UBXN7: variants seen among roughly 807,000 people sequenced by gnomAD.
The protein encoded by UBXN7 is UBX domain protein 7.
UBXN7 carries 9 observed loss-of-function variants against 58.0 expected under a neutral mutation model. The ratio of observed to expected loss-of-function variants is 0.16; its 90% CI spans 0.09 to 0.27. The LOEUF (loss-of-function observed/expected upper bound fraction) is 0.27, where lower values mean the gene tolerates loss of function less well. Ranked by LOEUF, UBXN7 falls within the 10% of genes least tolerant of loss-of-function variation. The probability of loss-of-function intolerance (pLI) is 1.00; values close to 1 mark genes in which losing one functional copy is unlikely to be tolerated. For missense variants in UBXN7, 328 were observed against 599.6 expected, an observed-to-expected ratio of 0.55 and a Z score of 4.73; for synonymous variants, 208 against 205.0, an observed-to-expected ratio of 1.01 and a Z score of -0.12.
intron 1 of UBXN7, among the ~76,000 whole-genome samples, chr3:196,412,099 G>A (rs936517101): frequency 6.6e-6 from 1 of 151,448 alleles, no homozygotes; most frequent in Non-Finnish European, 1.5e-5. Context: ...CGTGGTGGCA[G>A]GTGCCTAATA....
chr3:196,384,891 A>G (rs977002377), intron 5 of UBXN7, among the ~76,000 whole-genome samples: 2 of 152,204 alleles, frequency 1.3e-5, no homozygotes, highest in Non-Finnish European at 2.9e-5. Context: ...AAACCGGCAC[A>G]AGACAAGGAT....
chr3:196,379,463 G>A (rs184781553), intron 5 of UBXN7, among the ~76,000 whole-genome samples: 1 of 152,282 alleles, frequency 6.6e-6, no homozygotes, highest in East Asian at 1.9e-4. Context: ...GAGTTGCTCT[G>A]TTTTAAATGC....
chr3:196,369,104 A>G (rs891859596), intron 7 of UBXN7, among the ~76,000 whole-genome samples: 3 of 152,112 alleles, frequency 2.0e-5, no homozygotes, highest in Non-Finnish European at 4.4e-5. Flanking sequence ...GATTACAGGC[A>G]TGAGCCACCA....
chr3:196,362,053 G>C (rs1033677520), intron 9 of UBXN7, 130 bp from the exon 10 acceptor site: 8 of 1,030,704 alleles, frequency 7.8e-6, no homozygotes, highest in Non-Finnish European at 1.1e-5. Context: ...GAGTGCAGTG[G>C]CGTGATCTCA....
intron 10 of UBXN7, among the ~76,000 whole-genome samples, chr3:196,357,195 T>C (rs949548786): frequency 3.9e-5 from 6 of 152,214 alleles, no homozygotes; most frequent in Non-Finnish European, 5.9e-5. Context: ...AAGGAAGATA[T>C]GTCCTTCATT....
rs115807208 is a variant in UBXN7 at position 196,377,720 on chromosome 3, G to A, written c.469-5678C>T. Among the ~76,000 whole-genome samples, 308 of 152,022 alleles carry A rather than the reference G, an allele frequency of 2.0e-3. 1 individual carries two copies. Among genetic ancestry groups the A allele is most frequent in the Middle Eastern group, 6.8e-3 (2 of 294 alleles). On this transcript the variant is annotated intron_variant, in intron 5 of 10. Transcript: ENST00000296328. Reference sequence around the variant, plus strand: ...CTCACTGTGTTGCTCAGGGTGGAGGGCAATGGCACCACCACAGCTCACTGC... The same window carrying A: ...CTCACTGTGTTGCTCAGGGTGGAGGACAATGGCACCACCACAGCTCACTGC...
At position 196,362,610 on chromosome 3, in the gene UBXN7, A is replaced by G; in HGVS notation, c.912T>C (p.Asp304=). 6.2e-7 allele frequency: 1 copy of G among 1,614,208 alleles called. No individual in the cohort carries two copies. Among genetic ancestry groups the G allele is most frequent in the Non-Finnish European group, 8.5e-7 (1 of 1,180,034 alleles). Residue 304 remains aspartate (D), a synonymous_variant, in exon 9 of 11, where the codon GAT becomes GAC. Coordinates refer to ENST00000296328, the MANE Select transcript of UBXN7 (RefSeq NM_015562.2). ...GGCTATCCTGTTTTGTCTGTGTTGA[A>G]TCAAAATGTGTTTCTTGTAAGGAGG... ...IRASLQETHF[D]STQTKQDSRS...
intron 10 of UBXN7, among the ~76,000 whole-genome samples, chr3:196,357,218 A>T (rs997304448): frequency 6.6e-6 from 1 of 152,158 alleles, no homozygotes; most frequent in Admixed American, 6.5e-5. Context: ...GCCTACACCC[A>T]ATCTTGCCAC....
intron 1 of UBXN7, among the ~76,000 whole-genome samples, chr3:196,429,533 G>C (rs920696380): frequency 6.6e-6 from 1 of 151,000 alleles, no homozygotes; most frequent in African/African-American, 2.4e-5. Context: ...TCACATTTTT[G>C]ATGATGCATT....
intron 3 of UBXN7, among the ~76,000 whole-genome samples, chr3:196,401,823 G>GAGAAGAGAGA (rs145395839): frequency 8.3e-6 from 1 of 120,314 alleles, no homozygotes; most frequent in African/African-American, 3.1e-5. Context: ...GAAAAGAGAA[G>GAGAAGAGAGA]AGAGAAGAGA....
In UBXN7 at chr3:196,348,600, G is replaced by C; in HGVS notation, c.*8085C>G. 6.6e-6 allele frequency: 1 copy of C among 152,116 alleles called. No individual in the cohort carries two copies. The highest frequency in any genetic ancestry group is 1.9e-4 in the East Asian group (1 of 5,194). 9.4% of individuals were successfully genotyped at this position (152,116 alleles called of 1,614,324 possible). On this transcript the variant is annotated 3_prime_UTR_variant, in exon 11 of 11. Coordinates refer to ENST00000296328, the MANE Select transcript of UBXN7 (RefSeq NM_015562.2). ...CTAAATACTGTTAGGAACTGCTTTA[G>C]AAAACACTTTAAAGCAAATACCCCA...
At chr3:196,410,690 C>T (rs1346560313) in intron 1 of UBXN7, among the ~76,000 whole-genome samples, 3 of 152,040 alleles carry the variant, frequency 2.0e-5, no homozygotes, top group Non-Finnish European at 4.4e-5. Context: ...AGCATGTGAG[C>T]ACACACCTGT....
In UBXN7 at chr3:196,362,359, T is replaced by C; in HGVS notation, c.1163A>G (p.Asp388Gly). 1 of 1,614,120 alleles carries C rather than the reference T, an allele frequency of 6.2e-7. No individual in the cohort carries two copies. The highest frequency in any genetic ancestry group is 8.5e-7 in the Non-Finnish European group (1 of 1,179,986). Residue 388 changes from aspartate (D) to glycine (G), a missense_variant, in exon 9 of 11, where the codon GAT becomes GGT. Physicochemically the swap from Asp to Gly is moderately conservative, Grantham distance 94. Transcript: ENST00000296328. ...AGGTGGCATCTCCAGTATCTCTGAA[T>C]CCACAGCTGGCAATCCTTGGTGGTT... ...ATNHQGLPAV[D>G]SEILEMPPEK...
rs191382359 is a variant in UBXN7, at chr3:196,382,977, G to T, written c.468+8836C>A. On this transcript the variant is annotated intron_variant, in intron 5 of 10. Coordinates refer to ENST00000296328, the MANE Select transcript of UBXN7 (RefSeq NM_015562.2). ...AAAAATACAAAAAAATTAGCTGGGCGTGGTGGCAGGCGCCTATAGTCCCAG... is the reference window on the plus strand; with the variant it reads ...AAAAATACAAAAAAATTAGCTGGGCTTGGTGGCAGGCGCCTATAGTCCCAG... Among the ~76,000 whole-genome samples, 906 of 152,098 alleles carry T rather than the reference G, an allele frequency of 6.0e-3. 8 individuals are homozygous for T. The highest frequency in any genetic ancestry group is 0.021 in the African/African-American group (863 of 41,484).
rs575173440 is a variant in UBXN7 at position 196,352,208 on chromosome 3, A to G, written c.*4477T>C. Reference sequence around the variant, plus strand: ...CATGCTCTCCAATTATTTCATGTGTAGTGTGTCTCTCTAACTGGATAAAAC... The same window carrying G: ...CATGCTCTCCAATTATTTCATGTGTGGTGTGTCTCTCTAACTGGATAAAAC... On this transcript the variant is annotated 3_prime_UTR_variant, in exon 11 of 11. Coordinates refer to ENST00000296328, the MANE Select transcript of UBXN7 (RefSeq NM_015562.2). The surrounding 1 kb of genome is among the most constrained non-coding windows in gnomAD (Gnocchi z 4.1). The G allele has an allele frequency of 6.6e-6, 1 of 152,208 alleles. No individual in the cohort carries two copies. The highest frequency in any genetic ancestry group is 1.5e-5 in the Non-Finnish European group (1 of 68,036). 9.4% of individuals were successfully genotyped at this position (152,208 alleles called of 1,614,324 possible).
chr3:196,377,670 C>CT (rs908384496), intron 5 of UBXN7, among the ~76,000 whole-genome samples: 12 of 151,094 alleles, frequency 7.9e-5, no homozygotes, highest in South Asian at 4.2e-4. Flanking sequence ...TTTTATTCTC[C>CT]TTTTTTTTTC....
chr3:196,405,237 C>T (rs1002129952), intron 2 of UBXN7, among the ~76,000 whole-genome samples: 1 of 151,864 alleles, frequency 6.6e-6, no homozygotes, highest in Non-Finnish European at 1.5e-5. Context: ...TTTGGGAGGC[C>T]GAGGTAGGTG....
intron 6 of UBXN7, 108 bp downstream of exon 6, chr3:196,371,788 T>C: frequency 1.4e-6 from 2 of 1,419,994 alleles, no homozygotes; most frequent in Non-Finnish European, 1.9e-6. Context: ...CAGCCGGCTT[T>C]ACCTTTTTTT....
chr3:196,424,869 G>A (rs927825838), intron 1 of UBXN7, among the ~76,000 whole-genome samples: 1 of 151,488 alleles, frequency 6.6e-6, no homozygotes, highest in Admixed American at 6.6e-5. Flanking sequence ...TGCCCGGCTA[G>A]TTTTGTATTT....
Sources: gnomAD v4.1 joint callset for allele counts (sites outside exome capture counted in the v4.1 genomes callset) on GRCh38, gnomAD v4.1.1 for gene constraint, Gnocchi (gnomAD v3.1) non-coding constraint, MANE v1.5 for transcripts, NCBI Gene and HGNC (gene_info 2026-07-23, HGNC 2026-07-21) for gene names.